Variants in MOGAT1 observed in about 807,000 individuals in gnomAD.
MOGAT1 encodes 2-acylglycerol O-acyltransferase 1.
A neutral mutation model predicts 31.4 loss-of-function variants in MOGAT1; 32 were observed. That is an observed-to-expected ratio of 1.02 (90% confidence interval 0.77 to 1.37). MOGAT1 has a LOEUF of 1.37. Ranked by LOEUF, MOGAT1 falls within the 40% of genes most tolerant of loss-of-function variation. The pLI is 0.00. For missense variants in MOGAT1, 426 were observed against 402.0 expected (o/e 1.06, Z -0.51); for synonymous variants, 145 against 144.5 (o/e 1.00, Z -0.03).
At chr2:222,698,559 G>C (rs539786503) in intron 5 of MOGAT1, 1 of 152,182 alleles carries the variant, frequency 6.6e-6, no homozygotes, top group Admixed American at 6.5e-5. Context: ...CCAGTGTCTC[G>C]AGTAGCCCTT....
intron 2 of MOGAT1, 22 bp from the exon 3 acceptor site, chr2:222,689,243 T>C (rs1314084886): frequency 4.5e-6 from 7 of 1,554,834 alleles, no homozygotes; most frequent in Non-Finnish European, 6.1e-6. Context: ...TTTTTTAAAA[T>C]CTCAATATGA....
At chr2:222,701,588 A>AAGAAAGAAAAAG (rs71053102) in intron 5 of MOGAT1, among the ~76,000 whole-genome samples, 54 of 101,428 alleles carry the variant, frequency 5.3e-4, no homozygotes, top group South Asian at 1.1e-3. Context: ...AAGAAAAAGA[A>AAGAAAGAAAAAG]AGAAAGAAAG....
chr2:222,687,806 C>G (rs1369407180), intron 1 of MOGAT1, among the ~76,000 whole-genome samples: 1 of 152,158 alleles, frequency 6.6e-6, no homozygotes, highest in Non-Finnish European at 1.5e-5. Flanking sequence ...GCTGCTTGGT[C>G]AAGGTAGGAA....
chr2:222,689,596 C>A, intron 3 of MOGAT1, 127 bp downstream of exon 3: 1 of 816,348 alleles, frequency 1.2e-6, no homozygotes, highest in Non-Finnish European at 2.0e-6. Flanking sequence ...TCATCTGGCA[C>A]TTCCTATGGT....
intron 1 of MOGAT1, among the ~76,000 whole-genome samples, chr2:222,675,580 T>C (rs1975554): frequency 0.72 from 107,974 of 150,174 alleles, 39,684 homozygotes; most frequent in Middle Eastern, 0.89. Context: ...CCCGGGTTCA[T>C]GCCATTCTCC....
chr2:222,703,699 G>A (rs747506333), intron 5 of MOGAT1, among the ~76,000 whole-genome samples: 25 of 151,986 alleles, frequency 1.6e-4, no homozygotes, highest in Admixed American at 2.6e-4. Flanking sequence ...AACCCTTGTC[G>A]GCCACACAGC....
At chr2:222,690,809 C>A (rs1414881530) in intron 3 of MOGAT1, among the ~76,000 whole-genome samples, 1 of 152,320 alleles carries the variant, frequency 6.6e-6, no homozygotes, top group African/African-American at 2.4e-5. Flanking sequence ...GGTGCACTAT[C>A]CCCCTCTTAA....
At chr2:222,684,298 C>T (rs1451384684) in intron 1 of MOGAT1, among the ~76,000 whole-genome samples, 9 of 151,614 alleles carry the variant, frequency 5.9e-5, no homozygotes, top group Non-Finnish European at 8.8e-5. Context: ...CAGCTATATT[C>T]GGGAGGCTGA....
chr2:222,673,331 C>CAAA (rs57706625), intron 1 of MOGAT1, among the ~76,000 whole-genome samples: 3 of 102,234 alleles, frequency 2.9e-5, no homozygotes, highest in African/African-American at 4.4e-5. Context: ...TAGAATTTAC[C>CAAA]AAAAAAAAAA....
rs146131913 is a variant in MOGAT1, at chr2:222,676,158, T to C, written c.94+4279T>C. On this transcript the variant is annotated intron_variant, in intron 1 of 5. Transcript: ENST00000446656. ...AAGCAACCACTGATCTCCTTTTTTT[T>C]TTTTTTTAAATACAGACGGGGTCTC... Among the ~76,000 whole-genome samples, 43 of 152,062 alleles carry C rather than the reference T, an allele frequency of 2.8e-4. No individual in the cohort carries two copies. In the East Asian group the frequency reaches 7.7e-3, roughly 27 times the overall value.
chr2:222,676,117 C>T (rs535744197), intron 1 of MOGAT1, among the ~76,000 whole-genome samples: 30 of 151,666 alleles, frequency 2.0e-4, no homozygotes, highest in Non-Finnish European at 4.0e-4. Context: ...TTCTCTGGCC[C>T]CCAACCCCCC....
chr2:222,677,457 A>T (rs1692515870), intron 1 of MOGAT1, among the ~76,000 whole-genome samples: 1 of 152,216 alleles, frequency 6.6e-6, no homozygotes, highest in South Asian at 2.1e-4. Flanking sequence ...TAATGAAATC[A>T]GAAATTTTGA....
chr2:222,681,889 C>T (rs903139396), intron 1 of MOGAT1, among the ~76,000 whole-genome samples: 1 of 152,134 alleles, frequency 6.6e-6, no homozygotes, highest in African/African-American at 2.4e-5. Flanking sequence ...TTTAGGAGCC[C>T]TAGGCCAGGA....
At chr2:222,673,712 C>G (rs1692456981) in intron 1 of MOGAT1, among the ~76,000 whole-genome samples, 1 of 152,216 alleles carries the variant, frequency 6.6e-6, no homozygotes, top group Non-Finnish European at 1.5e-5. Context: ...GACTTCCTAA[C>G]CGATCATTCA....
Position 222,704,627 on chromosome 2 carries a change from A to G in MOGAT1, c.854-5109A>G, listed in dbSNP as rs77644290. On this transcript the variant is annotated intron_variant, in intron 5 of 5. Transcript: ENST00000446656. ...CGACAAAGCGAGACTCCGTCTCCAG[A>G]AAAAAAAAAAAAGAGTATCCCAATT... Among the ~76,000 whole-genome samples the G allele has an allele frequency of 3.5e-3, 499 of 144,276 alleles. 4 individuals are homozygous for G. The highest frequency in any genetic ancestry group is 0.012 in the African/African-American group (469 of 39,164). 94.7% of individuals were successfully genotyped at this position (144,276 alleles called of 152,430 possible). A position where few individuals can be genotyped will look rare whatever the true frequency, so the allele number is the denominator to read the frequency against.
chr2:222,701,462 AAAAG>A (rs769499490), intron 5 of MOGAT1, among the ~76,000 whole-genome samples: 19 of 150,590 alleles, frequency 1.3e-4, no homozygotes, highest in South Asian at 4.2e-4. Flanking sequence ...GAAGGAAGGA[AAAAG>A]AAAGAAAGAG....
At chr2:222,688,183 A>C (rs1692705463) in intron 1 of MOGAT1, 161 bp from the exon 2 acceptor site, 1 of 177,524 alleles carries the variant, frequency 5.6e-6, no homozygotes, top group Non-Finnish European at 1.1e-5. Flanking sequence ...ACACCCAATA[A>C]ATGTTAAATA....
chr2:222,697,375 C>A (rs1416805023), intron 5 of MOGAT1, among the ~76,000 whole-genome samples: 1 of 151,958 alleles, frequency 6.6e-6, no homozygotes, highest in Non-Finnish European at 1.5e-5. Flanking sequence ...TCTTAAGTAT[C>A]TGAAAGGTAT....
At chr2:222,680,815 T>G (rs1352576896) in intron 1 of MOGAT1, among the ~76,000 whole-genome samples, 1 of 152,196 alleles carries the variant, frequency 6.6e-6, no homozygotes, top group African/African-American at 2.4e-5. Context: ...AAACAATACA[T>G]ATACAAGTTA....
Sources: allele counts gnomAD v4.1 joint callset (sites outside exome capture counted in the v4.1 genomes callset), GRCh38; gene constraint gnomAD v4.1.1; transcripts MANE v1.5; gene names NCBI Gene and HGNC (gene_info 2026-07-23, HGNC 2026-07-21).